Variants in MYO9A observed in about 807,000 individuals in gnomAD.
The protein encoded by MYO9A is myosin IXA, also known as unconventional myosin-IXa.
MYO9A carries 103 observed loss-of-function variants against 293.3 expected under a neutral mutation model. That is an observed-to-expected ratio of 0.35 (90% CI 0.30 to 0.41). MYO9A has a LOEUF of 0.41. Among genes scored for constraint, MYO9A ranks in the 10% least tolerant of loss-of-function variants. The pLI is 1.00. For synonymous variants in MYO9A, 1,001 were observed against 1,035.7 expected (o/e 0.97, Z 0.64); for missense variants, 2,685 against 3,033.0 (o/e 0.89, Z 2.69).
intron 1 of MYO9A, among the ~76,000 whole-genome samples, chr15:72,074,637 C>T (rs1333535918): frequency 6.6e-6 from 1 of 152,168 alleles, no homozygotes; most frequent in Non-Finnish European, 1.5e-5. Context: ...ATAGAGTATA[C>T]ATCAATGTGC....
chr15:71,823,584 C>G lies in MYO9A; in HGVS notation c.*2996G>C, dbSNP rs1220764858. ...AAAGTACGTTGTAAACTAAGCCTCCCTGAATCCTGCTGTATTTGCTGTTGA... is the reference window on the plus strand; with the variant it reads ...AAAGTACGTTGTAAACTAAGCCTCCGTGAATCCTGCTGTATTTGCTGTTGA... On this transcript the variant is annotated 3_prime_UTR_variant, in exon 42 of 42. Coordinates refer to ENST00000356056, the MANE Select transcript of MYO9A (RefSeq NM_006901.4). The G allele has an allele frequency of 2.0e-5, 3 of 152,218 alleles. No homozygotes were observed. Among genetic ancestry groups the G allele is most frequent in the Non-Finnish European group, 4.4e-5 (3 of 68,050 alleles). The allele number at this position is 152,218 out of a possible 1,614,324, so 9.4% of individuals were successfully genotyped here.
intron 3 of MYO9A, among the ~76,000 whole-genome samples, chr15:72,030,426 C>A (rs2149393613): frequency 6.6e-6 from 1 of 152,252 alleles, no homozygotes; most frequent in African/African-American, 2.4e-5. Flanking sequence ...ATGGGGGATA[C>A]ATTCTAAGAT....
At chr15:72,091,034 A>G (rs191150066) in intron 1 of MYO9A, among the ~76,000 whole-genome samples, 211 of 151,976 alleles carry the variant, frequency 1.4e-3, no homozygotes, top group African/African-American at 4.5e-3. Flanking sequence ...CATCTCCACA[A>G]AAAAAATTTA....
At chr15:72,040,312 G>C (rs2078188667) in intron 2 of MYO9A, 1 of 152,278 alleles carries the variant, frequency 6.6e-6, no homozygotes, top group Admixed American at 6.5e-5. Flanking sequence ...AGGGGAGAAT[G>C]AGACAGGCAA....
intron 2 of MYO9A, chr15:72,041,592 T>C: frequency 3.3e-6 from 1 of 299,472 alleles, no homozygotes; most frequent in Non-Finnish European, 6.5e-6. Flanking sequence ...GGTTGAGCAC[T>C]GCATAGGGTG....
At chr15:71,981,457 T>C (rs1468433321) in intron 11 of MYO9A, among the ~76,000 whole-genome samples, 4 of 152,266 alleles carry the variant, frequency 2.6e-5, no homozygotes, top group African/African-American at 9.6e-5. Flanking sequence ...ATGTCATTAA[T>C]AGTTATAGAA....
rs1158388774 is a variant in MYO9A at position 72,007,814 on chromosome 15, G to A, written c.1380+12C>T. ...AAGATTTGAAATGACAACTGAAAAT[G>A]TAATCACTCACCTCTAATAATTCTG... On this transcript the variant is annotated intron_variant, in intron 8 of 41. Transcript: ENST00000356056. 1.3e-5 allele frequency: 21 copies of A among 1,596,582 alleles called. No homozygotes were observed. The highest frequency in any genetic ancestry group is 1.7e-5 in the Non-Finnish European group (20 of 1,175,150).
At chr15:72,032,345 A>T in intron 3 of MYO9A, 149 bp downstream of exon 3, 1 of 476,254 alleles carries the variant, frequency 2.1e-6, no homozygotes, top group African/African-American at 2.0e-5. Flanking sequence ...CTGAGGTTTT[A>T]ACTTTTCCAA....
chr15:72,039,284 A>T lies in MYO9A; in HGVS notation c.840+6440T>A, dbSNP rs559057784. 3.1e-3 allele frequency among the ~76,000 whole-genome samples: 474 copies of T among 152,306 alleles called. 1 individual carries two copies. The highest frequency in any genetic ancestry group is 5.5e-3 in the Non-Finnish European group (372 of 68,014). On this transcript the variant is annotated intron_variant, in intron 2 of 41. Coordinates refer to ENST00000356056, the MANE Select transcript of MYO9A (RefSeq NM_006901.4). Reference sequence around the variant, plus strand: ...AAAATACCATCCATACTTTTCAAGTAATACTGTTAATCTAAAGTTCACTGA... The same window carrying T: ...AAAATACCATCCATACTTTTCAAGTTATACTGTTAATCTAAAGTTCACTGA...
chr15:71,842,875 T>A (rs1354465317), intron 39 of MYO9A, among the ~76,000 whole-genome samples: 3 of 144,924 alleles, frequency 2.1e-5, no homozygotes, highest in African/African-American at 5.0e-5. Flanking sequence ...AAAAAAAAAA[T>A]TTCTATATGC....
At chr15:71,991,572 C>A (rs931788872) in intron 10 of MYO9A, among the ~76,000 whole-genome samples, 1 of 152,072 alleles carries the variant, frequency 6.6e-6, no homozygotes, top group Admixed American at 6.6e-5. Context: ...GTGAGGAAAT[C>A]AAAAGGTTAT....
At chr15:71,850,451 C>A (rs557708819) in intron 37 of MYO9A, among the ~76,000 whole-genome samples, 1 of 152,132 alleles carries the variant, frequency 6.6e-6, no homozygotes, top group East Asian at 1.9e-4. Context: ...AGGCCAAGAT[C>A]ACTAGATGAA....
At chr15:71,956,296 C>T (rs1168713065) in intron 14 of MYO9A, among the ~76,000 whole-genome samples, 1 of 104,982 alleles carries the variant, frequency 9.5e-6, no homozygotes, top group Non-Finnish European at 1.8e-5. Context: ...TGCAACACAG[C>T]GAAACCCGGC....
chr15:71,900,037 T>C (rs930950266), intron 23 of MYO9A, 31 bp from the exon 24 acceptor site: 20 of 1,562,598 alleles, frequency 1.3e-5, no homozygotes, highest in Non-Finnish European at 1.7e-5. Context: ...CAGAAACTGG[T>C]TGTCATATCT....
intron 14 of MYO9A, among the ~76,000 whole-genome samples, chr15:71,953,873 T>TTTTTGTTTTGTTTTGTTTTGTTTTG (rs141349966): frequency 1.6e-4 from 24 of 147,428 alleles, no homozygotes; most frequent in African/African-American, 5.5e-4. Flanking sequence ...ATCAACTGTT[T>TTTTTGTTTTGTTTTGTTTTGTTTTG]TTTTGTTTTG....
At chr15:71,865,982 G>A (rs1003613203) in intron 32 of MYO9A, among the ~76,000 whole-genome samples, 3 of 152,042 alleles carry the variant, frequency 2.0e-5, no homozygotes, top group Admixed American at 6.6e-5. Flanking sequence ...TATAATTAAC[G>A]TTTTTATTAT....
chr15:71,840,276 G>A (rs1323259415), intron 39 of MYO9A, among the ~76,000 whole-genome samples: 1 of 152,214 alleles, frequency 6.6e-6, no homozygotes, highest in Non-Finnish European at 1.5e-5. Flanking sequence ...TGCATCCATT[G>A]GATGTGGAGT....
chr15:71,826,488 A>G lies in MYO9A; in HGVS notation c.*92T>C. The G allele has an allele frequency of 8.0e-7, 1 of 1,245,334 alleles. No homozygotes were observed. Among genetic ancestry groups the G allele is most frequent in the Non-Finnish European group, 1.1e-6 (1 of 893,770 alleles). The allele number at this position is 1,245,334 out of a possible 1,614,324, so 77.1% of individuals were successfully genotyped here. On this transcript the variant is annotated 3_prime_UTR_variant, in exon 42 of 42. Transcript: ENST00000356056. ...GAAAAGAGGCAGGACCACAATTAGGATTGACTATTGTGGACGAGGTGATGA... is the reference window on the plus strand; with the variant it reads ...GAAAAGAGGCAGGACCACAATTAGGGTTGACTATTGTGGACGAGGTGATGA...
At chr15:71,903,854 AAAT>A in intron 21 of MYO9A, 72 bp downstream of exon 21, 1 of 1,284,822 alleles carries the variant, frequency 7.8e-7, no homozygotes, top group Non-Finnish European at 1.1e-6. Context: ...AGCCCCAAAG[AAAT>A]AATAAGCAAG....
Sources: allele counts gnomAD v4.1 joint callset (sites outside exome capture counted in the v4.1 genomes callset), GRCh38; gene constraint gnomAD v4.1.1; transcripts MANE v1.5; gene names NCBI Gene and HGNC (gene_info 2026-07-23, HGNC 2026-07-21).